DNAAF5: variants seen among roughly 807,000 people sequenced by gnomAD.
DNAAF5 encodes HEAT repeat containing 2.
DNAAF5 carries 64 observed loss-of-function variants against 75.8 expected under a neutral mutation model. That is an observed-to-expected ratio of 0.84 (90% CI 0.69 to 1.04). The LOEUF (loss-of-function observed/expected upper bound fraction) is 1.04. Among genes scored for constraint, DNAAF5 ranks in the 50% least tolerant of loss-of-function variants. The pLI is 0.00. For synonymous variants in DNAAF5, 657 were observed against 557.2 expected, an observed-to-expected ratio of 1.18 and a Z score of -2.52; for missense variants, 1,269 against 1,178.5, an observed-to-expected ratio of 1.08 and a Z score of -1.12.
chr7:756,917 C>A lies in DNAAF5; in HGVS notation c.1393C>A (p.Arg465=). The change falls in exon 6 of 13, where the codon CGA becomes AGA. Residue 465 remains arginine, a synonymous_variant. Transcript: ENST00000297440. ...VLASAMRGCP[R]EALQPHLAAI... Reference sequence around the variant, plus strand: ...GGCCTCCGCCATGCGGGGTTGCCCCCGAGAAGCCCTCCAGCCGCACCTGGC... The same window carrying A: ...GGCCTCCGCCATGCGGGGTTGCCCCAGAGAAGCCCTCCAGCCGCACCTGGC... 1 of 1,610,882 alleles carries A rather than the reference C, an allele frequency of 6.2e-7. No homozygotes were observed. Among genetic ancestry groups the A allele is most frequent in the South Asian group, 1.1e-5 (1 of 91,080 alleles).
At chr7:769,272 T>G (rs1583511681) in intron 8 of DNAAF5, 4 of 711,290 alleles carry the variant, frequency 5.6e-6, no homozygotes, top group Non-Finnish European at 1.0e-5. Flanking sequence ...CCAGAGCGCC[T>G]CCTTCTGCGG....
chr7:784,216 C>T (rs187289067), intron 12 of DNAAF5, among the ~76,000 whole-genome samples: 32 of 152,198 alleles, frequency 2.1e-4, no homozygotes, highest in African/African-American at 6.8e-4. Context: ...CGTGCTCAGT[C>T]TCTTGGTCTT....
At chr7:780,177 T>G (rs747932534) in intron 12 of DNAAF5, 33 bp downstream of exon 12, 2 of 1,596,988 alleles carry the variant, frequency 1.3e-6, no homozygotes, top group Admixed American at 3.4e-5. Context: ...TTCGTTCCGA[T>G]GCCTGCTTTC....
At chr7:772,193 G>A (rs1395164417) in intron 9 of DNAAF5, 3 of 152,306 alleles carry the variant, frequency 2.0e-5, no homozygotes, top group Non-Finnish European at 4.4e-5. Flanking sequence ...AATCATGAGA[G>A]GTTCTCAGGG....
intron 2 of DNAAF5, among the ~76,000 whole-genome samples, chr7:739,716 C>G (rs918606512): frequency 7.2e-5 from 11 of 152,212 alleles, no homozygotes; most frequent in African/African-American, 1.2e-4. Context: ...TCATTCTTTC[C>G]CATCTTCCAG....
intron 2 of DNAAF5, 42 bp from the exon 3 acceptor site, chr7:740,777 C>T: frequency 6.2e-7 from 1 of 1,609,850 alleles, no homozygotes; most frequent in Non-Finnish European, 8.5e-7. Context: ...CCCGGCATCC[C>T]CTTTGCCTAC....
At chr7:753,598 C>CTT (rs1387531787) in intron 4 of DNAAF5, among the ~76,000 whole-genome samples, 2 of 53,152 alleles carry the variant, frequency 3.8e-5, no homozygotes, top group African/African-American at 1.4e-4. Flanking sequence ...GCTTCACAGA[C>CTT]GTGTCTCTCA....
chr7:777,419 C>A (rs192008023), intron 11 of DNAAF5, among the ~76,000 whole-genome samples: 1 of 152,124 alleles, frequency 6.6e-6, no homozygotes, highest in Non-Finnish European at 1.5e-5. Flanking sequence ...AAAAGAACAA[C>A]ATCCACTAAA....
chr7:780,701 C>T (rs1243387327), intron 12 of DNAAF5, among the ~76,000 whole-genome samples: 4 of 152,204 alleles, frequency 2.6e-5, no homozygotes, highest in Non-Finnish European at 4.4e-5. Context: ...CGACACAGGC[C>T]GTCCCTTGAA....
At chr7:764,958 T>C (rs964020113) in intron 8 of DNAAF5, among the ~76,000 whole-genome samples, 1 of 151,746 alleles carries the variant, frequency 6.6e-6, no homozygotes, top group African/African-American at 2.4e-5. Flanking sequence ...AATTTAAAAA[T>C]AAATAAAATA....
intron 2 of DNAAF5, among the ~76,000 whole-genome samples, chr7:733,760 C>T (rs1270623335): frequency 2.0e-5 from 3 of 152,226 alleles, no homozygotes; most frequent in Non-Finnish European, 4.4e-5. Flanking sequence ...TCCCAAAGTG[C>T]TGGGATTACA....
intron 4 of DNAAF5, among the ~76,000 whole-genome samples, chr7:745,719 C>T (rs77829489): frequency 0.021 from 3,260 of 152,342 alleles, 55 homozygotes; most frequent in Non-Finnish European, 0.029. Flanking sequence ...GCATATCACA[C>T]GTACGTGTGT....
intron 12 of DNAAF5, among the ~76,000 whole-genome samples, chr7:785,101 C>T (rs1029597250): frequency 1.3e-5 from 2 of 151,652 alleles, no homozygotes; most frequent in African/African-American, 2.4e-5. Flanking sequence ...TCAGGTCGCT[C>T]GTGTCCACAC....
At position 741,451 on chromosome 7, in the gene DNAAF5, A is replaced by G; in HGVS notation, c.1010A>G (p.His337Arg). ...KLDFAPPTPP[H>R]YPPHERRPVL... ...GACTTTGCCCCTCCCACCCCACCCC[A>G]TTACCCTCCACATGGTGAGTGACCG... Residue 337 changes from histidine to arginine, a missense_variant, in exon 4 of 13, where the codon CAT becomes CGT. Coordinates refer to ENST00000297440, the MANE Select transcript of DNAAF5 (RefSeq NM_017802.4). 1 of 852,182 alleles carries G rather than the reference A, an allele frequency of 1.2e-6. No homozygotes were observed. Among genetic ancestry groups the G allele is most frequent in the Admixed American group, 2.6e-5 (1 of 38,446 alleles). 52.8% of individuals were successfully genotyped at this position (852,182 alleles called of 1,614,324 possible). A position where few individuals can be genotyped will look rare whatever the true frequency, so the allele number is the denominator to read the frequency against.
At chr7:776,533 G>C (rs932074992) in intron 11 of DNAAF5, among the ~76,000 whole-genome samples, 2 of 143,964 alleles carry the variant, frequency 1.4e-5, no homozygotes, top group Admixed American at 7.1e-5. Context: ...CTCAGGGTGG[G>C]GCGGCTGGAG....
intron 12 of DNAAF5, among the ~76,000 whole-genome samples, chr7:783,736 G>A: frequency 6.6e-6 from 1 of 150,846 alleles, no homozygotes; most frequent in Non-Finnish European, 1.5e-5. Context: ...CACACTCCCT[G>A]GCAAATCCCA....
Position 754,950 on chromosome 7 carries a change from C to A in DNAAF5, c.1257+129C>A, listed in dbSNP as rs878882293. The A allele has an allele frequency of 1.5e-6, 1 of 668,490 alleles. No individual in the cohort carries two copies. The highest frequency in any genetic ancestry group is 2.5e-6 in the Non-Finnish European group (1 of 399,306). The allele number at this position is 668,490 out of a possible 1,614,324, so 41.4% of individuals were successfully genotyped here. On this transcript the variant is annotated intron_variant, in intron 5 of 12. Coordinates refer to ENST00000297440, the MANE Select transcript of DNAAF5 (RefSeq NM_017802.4). The surrounding 1 kb of genome is among the most constrained non-coding windows in gnomAD (Gnocchi z 4.8). ...GTTCCCCTCACCCCCGGGCCGCAGG[C>A]CCTCCCCACACCCAGCCCCTGGGAA...
chr7:753,320 G>A (rs140022138), intron 4 of DNAAF5, among the ~76,000 whole-genome samples: 61 of 152,286 alleles, frequency 4.0e-4, no homozygotes, highest in Non-Finnish European at 7.5e-4. Context: ...GGGCACAGGC[G>A]GGCCTCAGAA....
intron 2 of DNAAF5, among the ~76,000 whole-genome samples, chr7:734,906 T>C (rs1231027006): frequency 6.6e-6 from 1 of 152,050 alleles, no homozygotes; most frequent in Non-Finnish European, 1.5e-5. Flanking sequence ...ACGGTGTTGC[T>C]CACAGTGTCG....
Sources: allele counts gnomAD v4.1 joint callset (sites outside exome capture counted in the v4.1 genomes callset), GRCh38; gene constraint gnomAD v4.1.1; non-coding constraint Gnocchi (gnomAD v3.1); transcripts MANE v1.5; gene names NCBI Gene and HGNC (gene_info 2026-07-23, HGNC 2026-07-21).